The following DOCK9 variants were observed in gnomAD, a reference collection of about 807,000 sequenced individuals.
DOCK9 encodes the protein dedicator of cytokinesis protein 9.
DOCK9 carries 89 observed loss-of-function variants against 263.3 expected under a neutral mutation model. The ratio of observed to expected loss-of-function variants is 0.34; its 90% CI spans 0.28 to 0.40. The LOEUF is 0.40. Among genes scored for constraint, DOCK9 ranks in the 10% least tolerant of loss-of-function variants. DOCK9 has a pLI of 1.00. For synonymous variants in DOCK9, 976 were observed against 973.1 expected, an observed-to-expected ratio of 1.00 and a Z score of -0.06; for missense variants, 2,140 against 2,603.4, an observed-to-expected ratio of 0.82 and a Z score of 3.87.
chr13:98,949,780 G>C (rs1191542568), intron 2 of DOCK9: 1 of 443,000 alleles, frequency 2.3e-6, no homozygotes. Flanking sequence ...ATCTCCTTGA[G>C]GAAGCCCACT....
At chr13:99,055,931 A>G (rs986421643) in intron 1 of DOCK9, among the ~76,000 whole-genome samples, 30 of 152,132 alleles carry the variant, frequency 2.0e-4, no homozygotes, top group African/African-American at 6.5e-4. Context: ...AAATCAGCCA[A>G]GCTTTCCAAA....
At chr13:98,909,879 A>G (rs1437710714) in intron 9 of DOCK9, among the ~76,000 whole-genome samples, 3 of 152,242 alleles carry the variant, frequency 2.0e-5, no homozygotes, top group Non-Finnish European at 4.4e-5. Context: ...AGTCTGAGAC[A>G]TCATACTTTC....
chr13:98,991,592 TAAATA>T (rs1271619362), intron 1 of DOCK9, among the ~76,000 whole-genome samples: 2 of 152,104 alleles, frequency 1.3e-5, no homozygotes, highest in African/African-American at 4.8e-5. Flanking sequence ...TATACTGGGT[TAAATA>T]AAATATATTA....
In DOCK9 at chr13:99,013,873, C is replaced by A. The variant is rs553037825; in HGVS notation, c.130-58322G>T. On this transcript the variant is annotated intron_variant, in intron 1 of 32. Transcript: ENST00000427887. The stretch of plus-strand genomic sequence containing the variant: ...TCGTTTTCAGAGGGCCACTCTGCTG[C>A]GTGCAGAAGAGGTCCCAGAGGGCAA... Among the ~76,000 whole-genome samples the A allele has an allele frequency of 5.9e-5, 9 of 152,280 alleles. No homozygotes were observed. In the East Asian group the frequency reaches 1.7e-3, roughly 29 times the overall value.
chr13:98,894,175 G>T (rs1460617423), intron 15 of DOCK9, among the ~76,000 whole-genome samples: 2 of 152,184 alleles, frequency 1.3e-5, no homozygotes, highest in Admixed American at 1.3e-4. Context: ...GCCACTGTGG[G>T]GAAGTCTCAA....
chr13:98,900,169 A>G (rs932271371), intron 13 of DOCK9, among the ~76,000 whole-genome samples: 1 of 152,226 alleles, frequency 6.6e-6, no homozygotes, highest in African/African-American at 2.4e-5. Flanking sequence ...CATTCCATAA[A>G]AAAATGAAGA....
intron 27 of DOCK9, among the ~76,000 whole-genome samples, 171 bp downstream of exon 27, chr13:98,879,727 C>T (rs950600914): frequency 8.5e-5 from 13 of 152,172 alleles, no homozygotes; most frequent in African/African-American, 2.2e-4. Context: ...TAGGTAAGAA[C>T]AGTACTTTCC....
chr13:98,896,489 C>CAAAA (rs35867799), intron 15 of DOCK9, among the ~76,000 whole-genome samples: 1 of 91,842 alleles, frequency 1.1e-5, no homozygotes, highest in Non-Finnish European at 2.3e-5. Flanking sequence ...TTGATATGCA[C>CAAAA]AAAAAAAAAA....
chr13:99,023,965 G>A (rs901367511), intron 1 of DOCK9, among the ~76,000 whole-genome samples: 7 of 152,110 alleles, frequency 4.6e-5, no homozygotes, highest in East Asian at 1.9e-4. Flanking sequence ...GCCATGAAAC[G>A]AATGAACAAA....
At chr13:98,858,808 T>C (rs1440310272) in intron 33 of DOCK9, 1 of 152,206 alleles carries the variant, frequency 6.6e-6, no homozygotes, top group African/African-American at 2.4e-5. Flanking sequence ...AGATCCCCAG[T>C]GGCCTATCTC....
chr13:98,833,730 T>G (rs980637305), intron 39 of DOCK9, among the ~76,000 whole-genome samples: 5 of 152,206 alleles, frequency 3.3e-5, no homozygotes, highest in Admixed American at 6.5e-5. Context: ...TAAAGGACCT[T>G]TTGTCCCAGA....
rs376596480 is a variant in DOCK9, at chr13:98,835,337, C to A, written c.4314+2157G>T. ...TGAGTAAATATTTGCAAAGAAAGAT[C>A]CCAGTGGCTGCGGTGCCAATGGACC... On this transcript the variant is annotated intron_variant, in intron 39 of 52. Coordinates refer to ENST00000682017, the MANE Select transcript of DOCK9 (RefSeq NM_001366683.2). Among the ~76,000 whole-genome samples, 357 of 152,306 alleles carry A rather than the reference C, an allele frequency of 2.3e-3. 7 individuals carry two copies. In the South Asian group the frequency reaches 0.042, roughly 18 times the overall value.
At chr13:98,797,579 C>G (rs371425846) in intron 50 of DOCK9, 90 bp from the exon 51 acceptor site, 46 of 1,132,724 alleles carry the variant, frequency 4.1e-5, no homozygotes, top group Non-Finnish European at 5.3e-5. Context: ...CTAAAAAGCC[C>G]GTTCGCGTGA....
At chr13:98,818,810 T>C (rs1444022490) in intron 45 of DOCK9, among the ~76,000 whole-genome samples, 1 of 152,020 alleles carries the variant, frequency 6.6e-6, no homozygotes, top group East Asian at 1.9e-4. Context: ...AGCATCTGTC[T>C]CTGGAAACAG....
At chr13:98,959,247 G>A (rs1411693052) in intron 1 of DOCK9, among the ~76,000 whole-genome samples, 1 of 152,216 alleles carries the variant, frequency 6.6e-6, no homozygotes, top group Non-Finnish European at 1.5e-5. Flanking sequence ...GTAAATGTGT[G>A]AAAGACAGTT....
At chr13:99,003,540 G>C (rs866930711) in intron 1 of DOCK9, among the ~76,000 whole-genome samples, 1 of 152,158 alleles carries the variant, frequency 6.6e-6, no homozygotes, top group Admixed American at 6.5e-5. Context: ...TCAAACTCAA[G>C]ATGTCTGGAA....
intron 1 of DOCK9, among the ~76,000 whole-genome samples, chr13:98,964,908 G>A (rs1441108406): frequency 2.0e-5 from 3 of 152,218 alleles, no homozygotes; most frequent in Non-Finnish European, 4.4e-5. Flanking sequence ...TGCTTCCTCT[G>A]CAAGGATGGA....
At chr13:98,975,361 C>CAAA (rs759586261) in intron 1 of DOCK9, among the ~76,000 whole-genome samples, 2 of 123,252 alleles carry the variant, frequency 1.6e-5, no homozygotes, top group African/African-American at 5.9e-5. Context: ...GACTTTGTCT[C>CAAA]AAAAAAAAAA....
intron 1 of DOCK9, among the ~76,000 whole-genome samples, chr13:99,020,117 T>A (rs1032795910): frequency 4.6e-5 from 7 of 151,186 alleles, no homozygotes; most frequent in Non-Finnish European, 1.0e-4. Context: ...ATAAAAAAAA[T>A]TTAAGAATGA....
Sources: gnomAD v4.1 joint callset for allele counts (sites outside exome capture counted in the v4.1 genomes callset) on GRCh38, gnomAD v4.1.1 for gene constraint, MANE v1.5 for transcripts, NCBI Gene and HGNC (gene_info 2026-07-23, HGNC 2026-07-21) for gene names.